TIAM1: variants seen among roughly 807,000 people sequenced by gnomAD.
TIAM1 encodes rho guanine nucleotide exchange factor TIAM1.
TIAM1 carries 65 observed loss-of-function variants against 163.5 expected under a neutral mutation model. The observed-to-expected ratio is 0.40, with a 90% CI of 0.33 to 0.49. The LOEUF (loss-of-function observed/expected upper bound fraction) is 0.49. TIAM1 is among the 20% of genes least tolerant of loss of function. The pLI is 0.77. For synonymous variants in TIAM1, 833 were observed against 810.1 expected (o/e 1.03, Z -0.48); for missense variants, 1,789 against 2,044.7 (o/e 0.87, Z 2.41).
In TIAM1 at chr21:31,120,783, C is replaced by T; in HGVS notation, c.4361G>A (p.Arg1454Lys). The part of the protein sequence containing the change: ...GRRRRRLARN[R>K]FTIDSDAVSA... ...GACGGCATCAGAATCAATGGTAAAC[C>T]TGTTTCGAGCCAGCCGCCGCCTCCT... The change falls in exon 28 of 28, where the codon AGG becomes AAG. Residue 1454 changes from arginine (R) to lysine (K), a missense_variant. By Grantham distance (26) the Arg-to-Lys change is conservative. Transcript: ENST00000541036. This position sits in a 1 kb window ranked among gnomAD's most constrained non-coding sequence, Gnocchi z 4.2. 1 of 1,613,944 alleles carries T rather than the reference C, an allele frequency of 6.2e-7. No homozygotes were observed. The highest frequency in any genetic ancestry group is 8.5e-7 in the Non-Finnish European group (1 of 1,179,992).
intron 1 of TIAM1, among the ~76,000 whole-genome samples, chr21:31,495,547 C>G (rs1201490701): frequency 6.6e-6 from 1 of 152,222 alleles, no homozygotes; most frequent in African/African-American, 2.4e-5. Context: ...GCCCCACCTC[C>G]CAACACCATC....
chr21:31,334,255 G>A (rs979421395), intron 2 of TIAM1, among the ~76,000 whole-genome samples: 11 of 150,200 alleles, frequency 7.3e-5, no homozygotes, highest in Non-Finnish European at 1.3e-4. Context: ...CTCCCCACCT[G>A]GGTGCTGTTT....
chr21:31,170,085 A>G (rs1384290415), intron 15 of TIAM1, among the ~76,000 whole-genome samples: 1 of 152,234 alleles, frequency 6.6e-6, no homozygotes, highest in African/African-American at 2.4e-5. Context: ...AAAACAGGCT[A>G]AACGTAATAC....
At chr21:31,383,131 T>A (rs566748981) in intron 2 of TIAM1, among the ~76,000 whole-genome samples, 2 of 152,036 alleles carry the variant, frequency 1.3e-5, no homozygotes, top group South Asian at 4.2e-4. Flanking sequence ...TCCCAGCTAC[T>A]CGGGAGACTG....
chr21:31,280,473 C>T (rs1045356994), intron 2 of TIAM1, among the ~76,000 whole-genome samples: 28 of 152,178 alleles, frequency 1.8e-4, no homozygotes, highest in African/African-American at 6.8e-4. Flanking sequence ...AAACCTCTTT[C>T]TTTTGTAAAT....
intron 2 of TIAM1, among the ~76,000 whole-genome samples, chr21:31,285,122 C>A (rs1601824762): frequency 1.3e-5 from 2 of 152,280 alleles, no homozygotes; most frequent in South Asian, 4.1e-4. Context: ...ATCAAGAGGT[C>A]CCCTTCCTTC....
At chr21:31,198,632 G>A (rs935020959) in intron 12 of TIAM1, among the ~76,000 whole-genome samples, 2 of 152,158 alleles carry the variant, frequency 1.3e-5, no homozygotes, top group African/African-American at 2.4e-5. Context: ...CTTATCAGGA[G>A]CCTTACTTTT....
upstream of TIAM1, among the ~76,000 whole-genome samples, chr21:31,346,287 T>A (rs1260420562): frequency 1.3e-5 from 2 of 152,206 alleles, no homozygotes; most frequent in East Asian, 3.9e-4. Flanking sequence ...ATCATCAATT[T>A]GAAGAGACTC....
intron 2 of TIAM1, among the ~76,000 whole-genome samples, chr21:31,319,519 C>G (rs1052593174): frequency 3.3e-5 from 5 of 152,142 alleles, no homozygotes; most frequent in African/African-American, 1.2e-4. Context: ...TGGCTCATAC[C>G]TGTAATCCCA....
chr21:31,249,322 A>G (rs1236444460), intron 5 of TIAM1, among the ~76,000 whole-genome samples: 4 of 152,196 alleles, frequency 2.6e-5, no homozygotes, highest in Non-Finnish European at 4.4e-5. Flanking sequence ...CTCAGAAGAA[A>G]CCAACCCTGC....
At chr21:31,530,290 T>C (rs1174834273) in intron 1 of TIAM1, among the ~76,000 whole-genome samples, 1 of 152,254 alleles carries the variant, frequency 6.6e-6, no homozygotes, top group Non-Finnish European at 1.5e-5. Flanking sequence ...AACATTTCTT[T>C]AACCCTCTCA....
At position 31,524,137 on chromosome 21, in the gene TIAM1, A is replaced by G. The variant is rs142613942; in HGVS notation, c.-422+34790T>C. Among the ~76,000 whole-genome samples, 558 of 152,218 alleles carry G rather than the reference A, an allele frequency of 3.7e-3. 9 individuals are homozygous for G. Among genetic ancestry groups the G allele is most frequent in the African/African-American group, 0.013 (534 of 41,542 alleles). ...GACTAGTGTGTCAGGCCACTTTTGCATTGCTGTAAGGAAATACCTAAGGCT... is the reference window on the plus strand; with the variant it reads ...GACTAGTGTGTCAGGCCACTTTTGCGTTGCTGTAAGGAAATACCTAAGGCT... On this transcript the variant is annotated intron_variant, in intron 1 of 28. Transcript: ENST00000286827.
intron 3 of TIAM1, among the ~76,000 whole-genome samples, chr21:31,268,308 T>C (rs1240351608): frequency 6.6e-6 from 1 of 152,122 alleles, no homozygotes; most frequent in East Asian, 1.9e-4. Context: ...GACAAGAAAG[T>C]AAAAGCATCG....
intron 1 of TIAM1, among the ~76,000 whole-genome samples, chr21:31,545,045 T>C (rs1222509772): frequency 2.6e-5 from 4 of 151,536 alleles, no homozygotes; most frequent in African/African-American, 9.8e-5. Flanking sequence ...CCTTAATCCC[T>C]GGTACCTGTG....
intron 2 of TIAM1, among the ~76,000 whole-genome samples, chr21:31,410,930 G>A (rs1330544189): frequency 2.0e-5 from 3 of 152,116 alleles, no homozygotes; most frequent in Admixed American, 6.5e-5. Context: ...TTAGGGGCCC[G>A]CTCCTCACTG....
chr21:31,484,497 C>G (rs751460593), intron 1 of TIAM1, among the ~76,000 whole-genome samples: 27 of 152,218 alleles, frequency 1.8e-4, no homozygotes, highest in Non-Finnish European at 1.2e-4. Context: ...TAAACAGCAG[C>G]TCTTAACCAA....
chr21:31,499,810 A>C (rs1035045800), intron 1 of TIAM1, among the ~76,000 whole-genome samples: 1 of 150,776 alleles, frequency 6.6e-6, no homozygotes, highest in Non-Finnish European at 1.5e-5. Flanking sequence ...AGATCGAGCT[A>C]CTGCACTCCA....
intron 23 of TIAM1, among the ~76,000 whole-genome samples, chr21:31,132,740 G>C (rs911223174): frequency 1.3e-5 from 2 of 152,096 alleles, no homozygotes; most frequent in African/African-American, 4.8e-5. Context: ...CGGAGCTAGT[G>C]TTACTCAAGT....
intron 1 of TIAM1, among the ~76,000 whole-genome samples, chr21:31,492,561 C>T (rs1260128937): frequency 6.6e-6 from 1 of 152,058 alleles, no homozygotes; most frequent in Admixed American, 6.5e-5. Context: ...GGAAGCCCCT[C>T]GCTTAGAGTT....
Sources: gnomAD v4.1 joint callset for allele counts (sites outside exome capture counted in the v4.1 genomes callset) on GRCh38, gnomAD v4.1.1 for gene constraint, Gnocchi (gnomAD v3.1) non-coding constraint, MANE v1.5 for transcripts, NCBI Gene and HGNC (gene_info 2026-07-23, HGNC 2026-07-21) for gene names.